The following THSD4 variants were observed in gnomAD, a reference collection of about 807,000 sequenced individuals.
THSD4 encodes the protein thrombospondin type-1 domain-containing protein 4.
Under a neutral mutation model 119.0 loss-of-function variants are expected in THSD4, and 69 were observed. That is an observed-to-expected ratio of 0.58 (90% confidence interval 0.48 to 0.71). The LOEUF (loss-of-function observed/expected upper bound fraction) is 0.71, where lower values mean the gene tolerates loss of function less well. Among genes scored for constraint, THSD4 ranks in the 30% least tolerant of loss-of-function variants. The pLI is 0.00. For missense variants in THSD4, 1,393 were observed against 1,391.1 expected (o/e 1.00, Z -0.02); for synonymous variants, 524 against 540.4 (o/e 0.97, Z 0.42).
At chr15:71,646,040 C>A (rs771607088) in intron 7 of THSD4, among the ~76,000 whole-genome samples, 13 of 152,174 alleles carry the variant, frequency 8.5e-5, no homozygotes, top group Non-Finnish European at 1.3e-4. Context: ...ATCTCCTTGC[C>A]TTTGTGGCTT....
intron 7 of THSD4, among the ~76,000 whole-genome samples, chr15:71,584,190 A>C (rs747279628): frequency 6.6e-6 from 1 of 150,892 alleles, no homozygotes; most frequent in African/African-American, 2.4e-5. Flanking sequence ...TTCCTGACTT[A>C]AAGTCTATTT....
chr15:71,369,316 A>G (rs1419177109), intron 6 of THSD4, among the ~76,000 whole-genome samples: 8 of 152,158 alleles, frequency 5.3e-5, no homozygotes, highest in South Asian at 2.1e-4. Context: ...TTCCAACACT[A>G]TGTTGAATAG....
intron 3 of THSD4, among the ~76,000 whole-genome samples, chr15:71,182,748 C>G (rs1413032518): frequency 6.6e-6 from 1 of 151,564 alleles, no homozygotes; most frequent in Non-Finnish European, 1.5e-5. Flanking sequence ...CTATCTTTTC[C>G]TCCCAGTGAT....
intron 3 of THSD4, among the ~76,000 whole-genome samples, chr15:71,205,576 A>G (rs1203137664): frequency 1.3e-5 from 2 of 152,202 alleles, no homozygotes; most frequent in East Asian, 1.9e-4. Flanking sequence ...ACTGTTCCTG[A>G]AATGCATTTG....
chr15:71,732,086 C>T (rs2052990205), intron 10 of THSD4: 1 of 152,232 alleles, frequency 6.6e-6, no homozygotes, highest in African/African-American at 2.4e-5. Context: ...TTATAAGGAC[C>T]CTTCAGATTA....
At chr15:71,355,895 T>C (rs1429422307) in intron 6 of THSD4, among the ~76,000 whole-genome samples, 2 of 151,706 alleles carry the variant, frequency 1.3e-5, no homozygotes, top group Non-Finnish European at 2.9e-5. Context: ...TGAGATGGAG[T>C]CTCACTTTGT....
chr15:71,222,906 AT>A (rs2043986345), intron 4 of THSD4, among the ~76,000 whole-genome samples: 1 of 152,134 alleles, frequency 6.6e-6, no homozygotes, highest in Non-Finnish European at 1.5e-5. Flanking sequence ...ACAGGTTTGG[AT>A]GCTCCATCTG....
Position 71,323,612 on chromosome 15 carries a change from G to C in THSD4, c.1015+66897G>C, listed in dbSNP as rs546047887. Among the ~76,000 whole-genome samples the C allele has an allele frequency of 5.9e-5, 9 of 152,264 alleles. No individual in the cohort carries two copies. In the East Asian group the frequency reaches 1.7e-3, roughly 29 times the overall value. ...AGATCCTTATCATTAACTTGAGTGG[G>C]TGTCCCGAGGTGGCAAGACACAAGC... On this transcript the variant is annotated intron_variant, in intron 6 of 17. Transcript: ENST00000261862.
intron 1 of THSD4, among the ~76,000 whole-genome samples, chr15:71,103,147 CTT>C (rs34279644): frequency 1.2e-3 from 162 of 140,858 alleles, no homozygotes; most frequent in African/African-American, 2.6e-3. Flanking sequence ...AAAAAGAAGG[CTT>C]TTTTTTTTTT....
intron 8 of THSD4, among the ~76,000 whole-genome samples, chr15:71,666,831 A>G (rs541953871): frequency 6.6e-6 from 1 of 152,342 alleles, no homozygotes; most frequent in Non-Finnish European, 1.5e-5. Flanking sequence ...GGCTTAATTT[A>G]GTTTGACCAT....
At chr15:71,514,948 C>T (rs1217191483) in intron 7 of THSD4, among the ~76,000 whole-genome samples, 1 of 152,104 alleles carries the variant, frequency 6.6e-6, no homozygotes, top group African/African-American at 2.4e-5. Context: ...AAATTGTTTC[C>T]AGTTTTTAGT....
At chr15:71,462,680 T>G (rs2047445153) in intron 7 of THSD4, among the ~76,000 whole-genome samples, 1 of 152,202 alleles carries the variant, frequency 6.6e-6, no homozygotes, top group South Asian at 2.1e-4. Flanking sequence ...AAATGTGAAA[T>G]TTCTTCAAAT....
intron 6 of THSD4, among the ~76,000 whole-genome samples, chr15:71,283,561 T>C (rs932884910): frequency 2.0e-5 from 3 of 152,202 alleles, no homozygotes. Flanking sequence ...TTATTGAATA[T>C]TTACTATGTG....
chr15:71,686,381 C>G (rs2051910566), intron 8 of THSD4, among the ~76,000 whole-genome samples: 1 of 152,170 alleles, frequency 6.6e-6, no homozygotes, highest in African/African-American at 2.4e-5. Context: ...GAGAAAGAAA[C>G]TGTTTCTCTC....
At chr15:71,682,855 A>T (rs931254906) in intron 8 of THSD4, among the ~76,000 whole-genome samples, 4 of 108,882 alleles carry the variant, frequency 3.7e-5, no homozygotes, top group African/African-American at 1.5e-4. Flanking sequence ...CTCTTTTGCT[A>T]CTTTCTTTCT....
chr15:71,212,418 G>T (rs1287354154), intron 3 of THSD4, among the ~76,000 whole-genome samples: 2 of 152,198 alleles, frequency 1.3e-5, no homozygotes, highest in African/African-American at 4.8e-5. Context: ...TAAATTAAGG[G>T]TGAGATTAGT....
chr15:71,395,464 G>A (rs901303164), intron 6 of THSD4, among the ~76,000 whole-genome samples: 35 of 152,186 alleles, frequency 2.3e-4, no homozygotes, highest in African/African-American at 6.5e-4. Context: ...GAGACTGGCC[G>A]GGTGCTGTGG....
At chr15:71,519,556 T>C (rs2048409748) in intron 7 of THSD4, among the ~76,000 whole-genome samples, 1 of 152,154 alleles carries the variant, frequency 6.6e-6, no homozygotes, top group South Asian at 2.1e-4. Context: ...GAGACAGTGT[T>C]TCACCGTGTT....
intron 6 of THSD4, among the ~76,000 whole-genome samples, chr15:71,365,165 G>GTGTGTA (rs2045943943): frequency 1.3e-5 from 2 of 149,316 alleles, no homozygotes; most frequent in Non-Finnish European, 3.0e-5. Flanking sequence ...GTGTGTGTGT[G>GTGTGTA]TATGAGAGAG....
Sources: allele counts gnomAD v4.1 joint callset (sites outside exome capture counted in the v4.1 genomes callset), GRCh38; gene constraint gnomAD v4.1.1; transcripts MANE v1.5; gene names NCBI Gene and HGNC (gene_info 2026-07-23, HGNC 2026-07-21).